SOAT2: variants seen among roughly 807,000 people sequenced by gnomAD.
The protein encoded by SOAT2 is sterol O-acyltransferase 2.
In SOAT2, 87 loss-of-function variants were observed where a neutral mutation model predicts 76.0. That is an observed-to-expected ratio of 1.14 (90% CI 0.96 to 1.37). The LOEUF is 1.37. Ranked by LOEUF, SOAT2 falls within the 40% of genes most tolerant of loss-of-function variation. The probability of loss-of-function intolerance (pLI) is 0.00; values close to 1 mark genes in which losing one functional copy is unlikely to be tolerated. For missense variants in SOAT2, 686 were observed against 682.1 expected (o/e 1.01, Z -0.06); for synonymous variants, 285 against 275.4 (o/e 1.03, Z -0.34).
rs150509072 is a variant in SOAT2 at position 53,118,903 on chromosome 12, A to T, written c.877A>T (p.Arg293Trp). The T allele has an allele frequency of 1.2e-5, 20 of 1,613,986 alleles. No homozygotes were observed. Among genetic ancestry groups the T allele is most frequent in the Non-Finnish European group, 1.6e-5 (19 of 1,180,012 alleles). ...TTGCCGCTGCAGGACGCCCTATGTC[A>T]GGTGGAATTATGTGGCCAAGAACTT... ...RETYPRTPYV[R>W]WNYVAKNFAQ... is the part of the protein sequence containing the mutation. The change falls in exon 9 of 15, where the codon AGG becomes TGG. Residue 293 changes from arginine (R) to tryptophan (W), a missense_variant. By Grantham distance (101) the Arg-to-Trp change is moderately radical. Coordinates refer to ENST00000301466, the MANE Select transcript of SOAT2 (RefSeq NM_003578.4).
chr12:53,123,729 A>G lies in SOAT2; in HGVS notation c.1374A>G (p.Gly458=). 1 of 1,614,128 alleles carries G rather than the reference A, an allele frequency of 6.2e-7. No individual in the cohort carries two copies. The highest frequency in any genetic ancestry group is 8.5e-7 in the Non-Finnish European group (1 of 1,179,998). The part of the protein sequence containing the change: ...VMLILFLVIG[G]MLNFMMHDQR... Reference sequence around the variant, plus strand: ...TGACAACCTTTCCTCCTGCACCAGGAATGTTGAACTTCATGATGCATGACC... The same window carrying G: ...TGACAACCTTTCCTCCTGCACCAGGGATGTTGAACTTCATGATGCATGACC... The change falls in exon 14 of 15, where the codon GGA becomes GGG. Residue 458 remains glycine (G), a splice_region_variant and synonymous_variant. Transcript: ENST00000301466.
At chr12:53,122,895 C>G (rs1406293242) in intron 12 of SOAT2, among the ~76,000 whole-genome samples, 186 bp from the exon 13 acceptor site, 3 of 152,130 alleles carry the variant, frequency 2.0e-5, no homozygotes, top group East Asian at 1.9e-4. Flanking sequence ...CTCCTCACTT[C>G]CCAGTAGGGG....
At position 53,103,913 on chromosome 12, in the gene SOAT2, C is replaced by T. The variant is rs1193946497; in HGVS notation, c.83-238C>T. The stretch of plus-strand genomic sequence containing the variant: ...CCAGATAGTGAATGGAGTAGCTTCC[C>T]ATTCCCTGAGTGCCCTGTTCCCAGT... On this transcript the variant is annotated intron_variant, in intron 1 of 14. Coordinates refer to ENST00000301466, the MANE Select transcript of SOAT2 (RefSeq NM_003578.4). Among the ~76,000 whole-genome samples the T allele has an allele frequency of 2.6e-5, 4 of 152,194 alleles. No homozygotes were observed. The South Asian group carries it at 6.2e-4, about 24-fold the overall frequency.
At chr12:53,123,948 C>G in intron 14 of SOAT2, 75 bp downstream of exon 14, 1 of 1,606,760 alleles carries the variant, frequency 6.2e-7, no homozygotes, top group South Asian at 1.1e-5. Flanking sequence ...CTCCTTGTTC[C>G]CCAACTCACC....
intron 5 of SOAT2, among the ~76,000 whole-genome samples, chr12:53,111,167 G>A (rs1938005894): frequency 6.6e-6 from 1 of 150,762 alleles, no homozygotes; most frequent in Non-Finnish European, 1.5e-5. Flanking sequence ...GTGCAGTGGC[G>A]TGATCTCGGC....
chr12:53,106,086 GCCCT>G, intron 5 of SOAT2, 72 bp downstream of exon 5: 1 of 1,038,126 alleles, frequency 9.6e-7, no homozygotes, highest in Non-Finnish European at 1.5e-6. Context: ...TGCCCCACCT[GCCCT>G]TGGGGCAAGA....
intron 5 of SOAT2, among the ~76,000 whole-genome samples, chr12:53,112,513 T>C (rs993593624): frequency 1.6e-5 from 2 of 127,322 alleles, no homozygotes; most frequent in Non-Finnish European, 3.1e-5. Flanking sequence ...ACCATTGCAC[T>C]CCAGCCTGGG....
intron 12 of SOAT2, 142 bp downstream of exon 12, chr12:53,121,543 T>A: frequency 1.5e-6 from 1 of 651,772 alleles, no homozygotes; most frequent in South Asian, 1.9e-5. Flanking sequence ...CTGTCCTCAT[T>A]TTCTCATTTT....
At chr12:53,122,020 C>A (rs545147303) in intron 12 of SOAT2, among the ~76,000 whole-genome samples, 1 of 151,480 alleles carries the variant, frequency 6.6e-6, no homozygotes. Context: ...ATTGGCCAGG[C>A]TGGTCTTGAA....
At chr12:53,118,289 C>T in intron 7 of SOAT2, 61 bp from the exon 8 acceptor site, 3 of 984,208 alleles carry the variant, frequency 3.0e-6, no homozygotes, top group Non-Finnish European at 3.3e-6. Flanking sequence ...TCCCCAGCAG[C>T]CCCCTCACCT....
At chr12:53,116,772 G>A (rs1021747270) in intron 7 of SOAT2, among the ~76,000 whole-genome samples, 2 of 151,296 alleles carry the variant, frequency 1.3e-5, no homozygotes, top group African/African-American at 4.9e-5. Context: ...GAAGGCTGAG[G>A]TGAGAAGATT....
At chr12:53,118,538 C>G in intron 8 of SOAT2, 104 bp downstream of exon 8, 6 of 796,590 alleles carry the variant, frequency 7.5e-6, no homozygotes, top group Non-Finnish European at 1.3e-5. Context: ...GCACTGGCCA[C>G]TTTCTCAGGA....
rs780965168 is a variant in SOAT2, at chr12:53,118,416, A to G, written c.845A>G (p.Tyr282Cys). ...LYFLFCPTLIYRETYPRTPYV... is the reference protein window; with the variant it reads ...LYFLFCPTLICRETYPRTPYV... The stretch of plus-strand genomic sequence containing the variant: ...TTCCTCTTCTGCCCAACACTCATCT[A>G]CAGGGAGACTTACCCTAGGTAAGAC... Residue 282 changes from tyrosine to cysteine, a missense_variant, in exon 8 of 15, where the codon TAC (tyrosine) becomes TGC (cysteine). Tyr to Cys is a radical substitution (Grantham distance 194, BLOSUM62 -2). Transcript: ENST00000301466. The G allele has an allele frequency of 3.1e-6, 5 of 1,612,930 alleles. No individual in the cohort carries two copies. Among genetic ancestry groups the G allele is most frequent in the Non-Finnish European group, 4.2e-6 (5 of 1,179,408 alleles).
chr12:53,118,499 C>G, intron 8 of SOAT2, 65 bp downstream of exon 8: 2 of 1,217,102 alleles, frequency 1.6e-6, no homozygotes, highest in South Asian at 1.2e-5. Flanking sequence ...TCTACTCTCC[C>G]CTCCCTGAGG....
chr12:53,110,655 C>G (rs1937997526), intron 5 of SOAT2, among the ~76,000 whole-genome samples: 1 of 152,100 alleles, frequency 6.6e-6, no homozygotes, highest in Non-Finnish European at 1.5e-5. Flanking sequence ...GGGGGCATGG[C>G]TAATTTCACA....
chr12:53,110,071 C>A (rs1172138863), intron 5 of SOAT2, among the ~76,000 whole-genome samples: 2 of 152,200 alleles, frequency 1.3e-5, no homozygotes. Context: ...TCTTACCCAA[C>A]TTAAAACAAT....
intron 5 of SOAT2, among the ~76,000 whole-genome samples, chr12:53,111,971 A>G (rs919429792): frequency 3.9e-5 from 6 of 152,242 alleles, no homozygotes; most frequent in African/African-American, 1.4e-4. Context: ...ATAGAAGTAC[A>G]TTTTATAGAT....
chr12:53,118,318 C>T, intron 7 of SOAT2, 32 bp from the exon 8 acceptor site: 1 of 1,505,890 alleles, frequency 6.6e-7, no homozygotes, highest in Non-Finnish European at 9.2e-7. Flanking sequence ...TGCCCTTGCC[C>T]TTACTAATCC....
intron 2 of SOAT2, among the ~76,000 whole-genome samples, chr12:53,104,704 G>T (rs1323112180): frequency 6.6e-6 from 1 of 152,184 alleles, no homozygotes; most frequent in Non-Finnish European, 1.5e-5. Flanking sequence ...GCGGCTGGAG[G>T]CCAGGGGTGA....
Sources: allele counts gnomAD v4.1 joint callset (sites outside exome capture counted in the v4.1 genomes callset), GRCh38; gene constraint gnomAD v4.1.1; transcripts MANE v1.5; gene names NCBI Gene and HGNC (gene_info 2026-07-23, HGNC 2026-07-21).